Variants in UTP18 observed in about 807,000 individuals in gnomAD.
UTP18 encodes U3 small nucleolar RNA-associated protein 18 homolog.
UTP18 carries 36 observed loss-of-function variants against 61.1 expected under a neutral mutation model. That is an observed-to-expected ratio of 0.59 (90% CI 0.45 to 0.78). The LOEUF (loss-of-function observed/expected upper bound fraction) is 0.78, where lower values mean the gene tolerates loss of function less well. Ranked by LOEUF, UTP18 falls within the 30% of genes least tolerant of loss-of-function variation. UTP18 has a pLI of 0.00. For missense variants in UTP18, 753 were observed against 693.9 expected, an observed-to-expected ratio of 1.09 and a Z score of -0.96; for synonymous variants, 282 against 251.1, an observed-to-expected ratio of 1.12 and a Z score of -1.16.
At chr17:51,267,778 T>C (rs913037024) in intron 3 of UTP18, among the ~76,000 whole-genome samples, 3 of 152,020 alleles carry the variant, frequency 2.0e-5, no homozygotes, top group Non-Finnish European at 4.4e-5. Flanking sequence ...AGGGGAAAAT[T>C]TGTGGTGGTG....
In UTP18 at chr17:51,293,994, G is replaced by A; in HGVS notation, c.1595G>A (p.Arg532Lys). Residue 532 changes from arginine (R) to lysine (K), a missense_variant, in exon 12 of 14, where the codon AGA becomes AAA. Arg to Lys is a conservative substitution (Grantham distance 26). Transcript: ENST00000225298. Reference protein sequence around the residue: ...SHVHTMDFSPRSGYFALGNEK... With the variant: ...SHVHTMDFSPKSGYFALGNEK... ...GTTCATACCATGGATTTTTCTCCGA[G>A]AAGTGGATACTTTGCCTTGGGGAAT... 1.2e-6 allele frequency: 2 copies of A among 1,610,818 alleles called. No homozygotes were observed. Among genetic ancestry groups the A allele is most frequent in the Non-Finnish European group, 1.7e-6 (2 of 1,178,494 alleles).
chr17:51,290,809 T>C (rs1483008547), intron 11 of UTP18, among the ~76,000 whole-genome samples: 1 of 152,224 alleles, frequency 6.6e-6, no homozygotes, highest in African/African-American at 2.4e-5. Flanking sequence ...TAATATCTAA[T>C]GGAAAGAAGC....
chr17:51,273,870 A>C (rs937037086), intron 5 of UTP18, among the ~76,000 whole-genome samples: 1 of 152,174 alleles, frequency 6.6e-6, no homozygotes, highest in South Asian at 2.1e-4. Context: ...GGCATATTGC[A>C]GTAGCTTTGT....
rs1260715493 is a variant in UTP18 at position 51,268,858 on chromosome 17, A to G, written c.576A>G (p.Gly192=). The G allele has an allele frequency of 1.9e-6, 3 of 1,613,980 alleles. No homozygotes were observed. The South Asian group carries it at 3.3e-5, about 18-fold the overall frequency. The part of the protein sequence containing the change: ...LKEEFQHAMG[G]VPAWAETTKR... ...TTAGATTCCAACATGCCATGGGAGG[A>G]GTACCTGCCTGGGCAGAGACTACTA... Residue 192 remains glycine, a synonymous_variant, in exon 4 of 14, where the codon GGA becomes GGG. Coordinates refer to ENST00000225298, the MANE Select transcript of UTP18 (RefSeq NM_016001.3).
At chr17:51,278,678 C>T (rs992476199) in intron 7 of UTP18, among the ~76,000 whole-genome samples, 4 of 152,222 alleles carry the variant, frequency 2.6e-5, no homozygotes, top group African/African-American at 9.6e-5. Flanking sequence ...GTTGTAGCTT[C>T]ACATGGTGTT....
At chr17:51,265,648 C>T (rs2055553616) in intron 2 of UTP18, among the ~76,000 whole-genome samples, 1 of 147,238 alleles carries the variant, frequency 6.8e-6, no homozygotes, top group Non-Finnish European at 1.5e-5. Context: ...ATTTCAACCT[C>T]TGCCTCCTGG....
chr17:51,262,143 G>T (rs1161755638), intron 1 of UTP18, among the ~76,000 whole-genome samples: 1 of 150,880 alleles, frequency 6.6e-6, no homozygotes, highest in South Asian at 2.1e-4. Context: ...GTGCAGTGGC[G>T]CCATCTCGGC....
intron 5 of UTP18, 74 bp from the exon 6 acceptor site, chr17:51,275,792 C>G: frequency 7.9e-7 from 1 of 1,268,072 alleles, no homozygotes; most frequent in Non-Finnish European, 1.0e-6. Context: ...ACTGTAATGT[C>G]TTTTCTTCTT....
chr17:51,291,834 C>A (rs917793374), intron 11 of UTP18, among the ~76,000 whole-genome samples: 1 of 152,122 alleles, frequency 6.6e-6, no homozygotes, highest in African/African-American at 2.4e-5. Context: ...ACCAGCTCCC[C>A]AAACTTCAAA....
chr17:51,288,248 A>T (rs1905163711), intron 11 of UTP18, 45 bp downstream of exon 11: 1 of 1,505,836 alleles, frequency 6.6e-7, no homozygotes, highest in East Asian at 2.3e-5. Flanking sequence ...TTTTAAATTT[A>T]AGTTGAAAAC....
intron 9 of UTP18, among the ~76,000 whole-genome samples, chr17:51,282,849 TTTC>T (rs1180343570): frequency 1.5e-4 from 21 of 139,218 alleles, no homozygotes; most frequent in Middle Eastern, 3.6e-3. Flanking sequence ...TCTTCCTCCT[TTTC>T]TTCTTCTTCT....
chr17:51,285,381 A>G lies in UTP18; in HGVS notation c.1328+13A>G. 1 of 1,610,708 alleles carries G rather than the reference A, an allele frequency of 6.2e-7. No homozygotes were observed. Among genetic ancestry groups the G allele is most frequent in the Non-Finnish European group, 8.5e-7 (1 of 1,177,414 alleles). ...ATGTTGCTTGTGGGTAAGTAAAGAG[A>G]GGTTCTTGTAACCTTAATCACATTG... is the stretch of plus-strand genomic sequence containing the variant. On this transcript the variant is annotated intron_variant, in intron 10 of 13. Transcript: ENST00000225298.
intron 3 of UTP18, among the ~76,000 whole-genome samples, chr17:51,267,450 C>CT (rs201587480): frequency 3.3e-3 from 447 of 134,948 alleles, no homozygotes; most frequent in Non-Finnish European, 5.2e-3. Flanking sequence ...AGTTCTAAAA[C>CT]TTTTTTTTTG....
intron 5 of UTP18, among the ~76,000 whole-genome samples, chr17:51,274,182 G>T (rs1377593117): frequency 1.3e-5 from 2 of 151,936 alleles, no homozygotes; most frequent in Non-Finnish European, 2.9e-5. Flanking sequence ...CTTTTGTTCT[G>T]CCTGCCTTGT....
At chr17:51,270,473 G>A (rs4448992) in intron 4 of UTP18, among the ~76,000 whole-genome samples, 97,080 of 152,046 alleles carry the variant, frequency 0.64, 31,659 homozygotes, top group African/African-American at 0.78. Context: ...CTGTAATTTT[G>A]GGTATGGTTA....
At chr17:51,292,284 G>T (rs1188504312) in intron 11 of UTP18, among the ~76,000 whole-genome samples, 1 of 152,206 alleles carries the variant, frequency 6.6e-6, no homozygotes, top group Non-Finnish European at 1.5e-5. Context: ...CCAAATTGGG[G>T]TACTGCCAAC....
chr17:51,281,576 A>G (rs1314019051), intron 9 of UTP18, among the ~76,000 whole-genome samples: 1 of 152,086 alleles, frequency 6.6e-6, no homozygotes, highest in South Asian at 2.1e-4. Context: ...TTTAAGGAGG[A>G]TTTGAGGGCA....
At position 51,279,425 on chromosome 17, in the gene UTP18, A is replaced by C. The variant is rs370081332; in HGVS notation, c.1013-580A>C. ...TAGCTCTCATATATGATTTGGTTACATGTGTCACATCCAGAGAAGCTAGTC... is the reference window on the plus strand; with the variant it reads ...TAGCTCTCATATATGATTTGGTTACCTGTGTCACATCCAGAGAAGCTAGTC... On this transcript the variant is annotated intron_variant, in intron 7 of 13. Coordinates refer to ENST00000225298, the MANE Select transcript of UTP18 (RefSeq NM_016001.3). 1.2e-4 allele frequency among the ~76,000 whole-genome samples: 19 copies of C among 152,298 alleles called. No homozygotes were observed. In the East Asian group the frequency reaches 3.1e-3, roughly 25 times the overall value.
At chr17:51,290,887 C>T (rs1905220945) in intron 11 of UTP18, among the ~76,000 whole-genome samples, 1 of 152,176 alleles carries the variant, frequency 6.6e-6, no homozygotes, top group Non-Finnish European at 1.5e-5. Flanking sequence ...CAGTCAATTC[C>T]TTATAATGAT....
Sources: gnomAD v4.1 joint callset for allele counts (sites outside exome capture counted in the v4.1 genomes callset) on GRCh38, gnomAD v4.1.1 for gene constraint, MANE v1.5 for transcripts, NCBI Gene and HGNC (gene_info 2026-07-23, HGNC 2026-07-21) for gene names.